Variants in HMCN1 observed in about 807,000 individuals in gnomAD.
HMCN1 encodes the protein hemicentin 1.
Under a neutral mutation model 625.9 loss-of-function variants are expected in HMCN1, and 321 were observed. That is an observed-to-expected ratio of 0.51 (90% confidence interval 0.47 to 0.56). The LOEUF (loss-of-function observed/expected upper bound fraction) is 0.56, where lower values mean the gene tolerates loss of function less well. Ranked by LOEUF, HMCN1 falls within the 20% of genes least tolerant of loss-of-function variation. The pLI is 0.00. For synonymous variants in HMCN1, 2,425 were observed against 2,417.6 expected (o/e 1.00, Z -0.09); for missense variants, 6,588 against 6,887.3 (o/e 0.96, Z 1.54).
intron 1 of HMCN1, among the ~76,000 whole-genome samples, chr1:185,777,561 C>T (rs1656705439): frequency 6.6e-6 from 1 of 152,120 alleles, no homozygotes; most frequent in Non-Finnish European, 1.5e-5. Flanking sequence ...AAGTGATTCT[C>T]CTGCCTCAAC....
intron 8 of HMCN1, among the ~76,000 whole-genome samples, chr1:185,924,719 CAT>C (rs1045330923): frequency 9.2e-5 from 14 of 151,850 alleles, no homozygotes; most frequent in African/African-American, 3.1e-4. Context: ...GAAATAAAAA[CAT>C]ATTCTAAAAT....
At chr1:185,814,576 T>C (rs1659727029) in intron 1 of HMCN1, among the ~76,000 whole-genome samples, 1 of 150,948 alleles carries the variant, frequency 6.6e-6, no homozygotes, top group South Asian at 2.1e-4. Context: ...AGTTGGCCAC[T>C]GGGGAGTTAC....
Position 186,054,888 on chromosome 1 carries a change from C to T in HMCN1, c.6863-505C>T, listed in dbSNP as rs139770781. On this transcript the variant is annotated intron_variant, in intron 44 of 106. Coordinates refer to ENST00000271588, the MANE Select transcript of HMCN1 (RefSeq NM_031935.3). ...AGAGCAAAAAATTTTCCCCAAAATCCCCAGCAGACCTCTGTGTAGGTTTTA... is the reference window on the plus strand; with the variant it reads ...AGAGCAAAAAATTTTCCCCAAAATCTCCAGCAGACCTCTGTGTAGGTTTTA... Among the ~76,000 whole-genome samples, 3 of 151,994 alleles carry T rather than the reference C, an allele frequency of 2.0e-5. No homozygotes were observed. The East Asian group carries it at 5.8e-4, about 30-fold the overall frequency.
intron 25 of HMCN1, 79 bp from the exon 26 acceptor site, chr1:185,999,962 CTTTA>C: frequency 1.0e-6 from 1 of 972,824 alleles, no homozygotes; most frequent in Admixed American, 2.2e-5. Context: ...ATAACAAAAA[CTTTA>C]TTTCTCTTTG....
In HMCN1 at chr1:186,005,910, C is replaced by T. The variant is rs187499341; in HGVS notation, c.4476-1218C>T. ...CAGCACTTTGGGAGGCCAAGGCAAG[C>T]GGATCACCTGAGGTCAAGAGTTCAA... On this transcript the variant is annotated intron_variant, in intron 29 of 106. Transcript: ENST00000271588. Among the ~76,000 whole-genome samples the T allele has an allele frequency of 1.3e-3, 200 of 152,184 alleles. 2 individuals are homozygous for T. The highest frequency in any genetic ancestry group is 4.6e-3 in the African/African-American group (190 of 41,546).
In HMCN1 at chr1:186,087,486, A is replaced by G. The variant is rs1226364833; in HGVS notation, c.9204A>G (p.Val3068=). The stretch of plus-strand genomic sequence containing the variant: ...ACCATGACAGTGAATCTCTTTCTGT[A>G]GTTAATGTAAGAGAGGGAACTTCTG... ...IKDHDSESLS[V]VNVREGTSVS... The change falls in exon 60 of 107, where the codon GTA becomes GTG. Residue 3068 remains valine, a synonymous_variant. Transcript: ENST00000271588. 6.2e-7 allele frequency: 1 copy of G among 1,613,232 alleles called. No homozygotes were observed. The highest frequency in any genetic ancestry group is 8.5e-7 in the Non-Finnish European group (1 of 1,179,462).
chr1:185,900,671 A>G (rs907378864), intron 4 of HMCN1, among the ~76,000 whole-genome samples: 5 of 151,916 alleles, frequency 3.3e-5, no homozygotes, highest in Non-Finnish European at 7.4e-5. Context: ...TATATGCTCT[A>G]TTATATGACA....
chr1:185,975,641 A>G (rs1237910543), intron 15 of HMCN1, among the ~76,000 whole-genome samples: 2 of 152,140 alleles, frequency 1.3e-5, no homozygotes, highest in Non-Finnish European at 2.9e-5. Context: ...TCTATTAACT[A>G]TGTTTAAATA....
intron 49 of HMCN1, among the ~76,000 whole-genome samples, chr1:186,066,624 A>G (rs1658133095): frequency 6.6e-6 from 1 of 152,172 alleles, no homozygotes; most frequent in African/African-American, 2.4e-5. Flanking sequence ...TCTGTCTGAC[A>G]CTACTCTGGC....
intron 42 of HMCN1, among the ~76,000 whole-genome samples, chr1:186,050,802 G>T (rs532787770): frequency 2.6e-5 from 4 of 152,048 alleles, no homozygotes; most frequent in Non-Finnish European, 4.4e-5. Context: ...TCTTCTAGGC[G>T]CTATGCCATG....
In HMCN1 at chr1:186,117,076, G is replaced by C. The variant is rs1412336659; in HGVS notation, c.11644G>C (p.Ala3882Pro). The C allele has an allele frequency of 6.2e-7, 1 of 1,613,388 alleles. No homozygotes were observed. The highest frequency in any genetic ancestry group is 2.2e-5 in the East Asian group (1 of 44,856). ...CTATGAATGTACTGTGACAAACGGTGCTGGAGATGATAAAAGAACTGTGGA... is the reference window on the plus strand; with the variant it reads ...CTATGAATGTACTGTGACAAACGGTCCTGGAGATGATAAAAGAACTGTGGA... ...ATYECTVTNGAGDDKRTVDLT... is the reference protein window; with the variant it reads ...ATYECTVTNGPGDDKRTVDLT... The change falls in exon 76 of 107, where the codon GCT becomes CCT. Residue 3882 changes from alanine to proline, a missense_variant. By Grantham distance (27) the Ala-to-Pro change is conservative (BLOSUM62 -1). Around this residue, in one of 3 missense-constraint regions of HMCN1, gnomAD observed 4,628 missense variants for 4,853.1 expected, o/e 0.95. Coordinates refer to ENST00000271588, the MANE Select transcript of HMCN1 (RefSeq NM_031935.3).
chr1:186,034,839 T>G (rs1052462404), intron 36 of HMCN1, among the ~76,000 whole-genome samples: 2 of 152,162 alleles, frequency 1.3e-5, no homozygotes, highest in South Asian at 4.1e-4. Context: ...TTTCCAACAT[T>G]TTTGTTTCTT....
chr1:185,934,864 G>T (rs992730038), intron 11 of HMCN1, among the ~76,000 whole-genome samples: 2 of 152,112 alleles, frequency 1.3e-5, no homozygotes, highest in Admixed American at 6.6e-5. Flanking sequence ...ACAGAAAAGC[G>T]AAACTACCAT....
intron 48 of HMCN1, among the ~76,000 whole-genome samples, chr1:186,063,510 G>T (rs1657911969): frequency 7.9e-6 from 1 of 125,926 alleles, no homozygotes; most frequent in Non-Finnish European, 1.7e-5. Context: ...AGGAAGGAAG[G>T]AAGGGAGTCT....
intron 1 of HMCN1, among the ~76,000 whole-genome samples, chr1:185,794,662 G>A (rs532214819): frequency 1.4e-5 from 2 of 140,690 alleles, no homozygotes; most frequent in East Asian, 4.1e-4. Flanking sequence ...AGCTGATTAG[G>A]TGGTACCCAC....
chr1:185,835,341 G>A (rs543653008), intron 1 of HMCN1, among the ~76,000 whole-genome samples: 54 of 152,174 alleles, frequency 3.5e-4, no homozygotes, highest in Admixed American at 3.4e-3. Context: ...TGTAGTTTTT[G>A]GAAAGTTTTG....
chr1:185,996,722 T>G (rs560623528), intron 24 of HMCN1, among the ~76,000 whole-genome samples: 1 of 152,164 alleles, frequency 6.6e-6, no homozygotes, highest in East Asian at 1.9e-4. Flanking sequence ...CGGGACATGG[T>G]GACGGATTGG....
chr1:186,189,929 A>T lies in HMCN1; in HGVS notation c.*51A>T. 4 of 1,599,220 alleles carry T rather than the reference A, an allele frequency of 2.5e-6. No homozygotes were observed. The highest frequency in any genetic ancestry group is 3.4e-6 in the Non-Finnish European group (4 of 1,171,226). On this transcript the variant is annotated 3_prime_UTR_variant, in exon 107 of 107. Transcript: ENST00000271588. ...TATTTAAACCGCATTAATCATGGCA[A>T]TCAAGCCCCCTTCCAGATTACTGTC...
At chr1:185,934,244 T>C (rs2102497507) in intron 11 of HMCN1, among the ~76,000 whole-genome samples, 1 of 152,302 alleles carries the variant, frequency 6.6e-6, no homozygotes. Context: ...TTCAATTGTT[T>C]AGTAATCTCT....
Sources: allele counts gnomAD v4.1 joint callset (sites outside exome capture counted in the v4.1 genomes callset), GRCh38; gene constraint gnomAD v4.1.1; regional missense constraint gnomAD v4.1.1; transcripts MANE v1.5; gene names NCBI Gene and HGNC (gene_info 2026-07-23, HGNC 2026-07-21).